The following ZBTB2 variants were observed in gnomAD, a reference collection of about 807,000 sequenced individuals.
The protein encoded by ZBTB2 is zinc finger and BTB domain-containing protein 2.
A neutral mutation model predicts 39.5 loss-of-function variants in ZBTB2; 2 were observed. That is an observed-to-expected ratio of 0.05 (90% CI 0.02 to 0.16). ZBTB2 has a LOEUF of 0.16. ZBTB2 is among the 10% of genes least tolerant of loss of function. The pLI is 1.00. For synonymous variants in ZBTB2, 251 were observed against 256.6 expected (o/e 0.98, Z 0.21); for missense variants, 391 against 653.0 (o/e 0.60, Z 4.37).
chr6:151,369,044 T>A (rs964850244), intron 2 of ZBTB2, among the ~76,000 whole-genome samples: 1 of 152,196 alleles, frequency 6.6e-6, no homozygotes, highest in Non-Finnish European at 1.5e-5. Context: ...ATTACAGGCA[T>A]GAACCACCGC....
intron 1 of ZBTB2, among the ~76,000 whole-genome samples, chr6:151,390,922 C>T (rs1385166428): frequency 2.0e-5 from 3 of 151,916 alleles, no homozygotes; most frequent in Non-Finnish European, 2.9e-5. Context: ...GGACGCTCAC[C>T]GGCCGCCGCC....
chr6:151,386,140 A>G (rs942327690), intron 1 of ZBTB2, among the ~76,000 whole-genome samples: 5 of 152,200 alleles, frequency 3.3e-5, no homozygotes, highest in Admixed American at 3.3e-4. Context: ...ACAGAAGTAG[A>G]TCAGAGATTT....
At chr6:151,367,887 G>C (rs544835255) in intron 2 of ZBTB2, among the ~76,000 whole-genome samples, 1 of 152,206 alleles carries the variant, frequency 6.6e-6, no homozygotes, top group African/African-American at 2.4e-5. Context: ...ATAATGAAGA[G>C]GTTCCCAAGA....
At chr6:151,367,174 G>A (rs1012303355) in intron 2 of ZBTB2, among the ~76,000 whole-genome samples, 4 of 150,884 alleles carry the variant, frequency 2.7e-5, no homozygotes, top group African/African-American at 7.3e-5. Flanking sequence ...AGGCTGGAAT[G>A]CAATGGCACA....
intron 1 of ZBTB2, among the ~76,000 whole-genome samples, chr6:151,391,189 G>A (rs1779298798): frequency 6.6e-6 from 1 of 150,540 alleles, no homozygotes. Context: ...GCCCCCGCGA[G>A]GCGCCCCTGC....
intron 1 of ZBTB2, among the ~76,000 whole-genome samples, chr6:151,375,676 C>A (rs900660854): frequency 2.5e-4 from 38 of 152,168 alleles, no homozygotes; most frequent in African/African-American, 9.2e-4. Flanking sequence ...CCTGCCTCAG[C>A]CTCCCTGGGG....
chr6:151,380,766 C>T (rs910530023), intron 1 of ZBTB2, among the ~76,000 whole-genome samples: 1 of 152,208 alleles, frequency 6.6e-6, no homozygotes, highest in African/African-American at 2.4e-5. Flanking sequence ...CCAGGGGTTC[C>T]ACTTGCTGGT....
intron 1 of ZBTB2, among the ~76,000 whole-genome samples, chr6:151,375,816 G>A (rs147065362): frequency 1.0e-3 from 152 of 152,092 alleles, no homozygotes; most frequent in African/African-American, 2.7e-3. Flanking sequence ...TGATCCACCC[G>A]CCTCGGCCTC....
intron 1 of ZBTB2, among the ~76,000 whole-genome samples, chr6:151,385,039 T>TG (rs1241959851): frequency 4.5e-5 from 6 of 134,140 alleles, no homozygotes; most frequent in African/African-American, 1.9e-4. Context: ...GTATATGAAC[T>TG]TAAAAAAAAC....
chr6:151,386,987 T>A (rs899635566), intron 1 of ZBTB2, among the ~76,000 whole-genome samples: 12 of 152,214 alleles, frequency 7.9e-5, no homozygotes, highest in African/African-American at 1.4e-4. Context: ...GCAATTCTCT[T>A]TAACAGAAGA....
Position 151,365,613 on chromosome 6 carries a change from G to A in ZBTB2, c.1453C>T (p.Leu485Phe), listed in dbSNP as rs1225710987. 6.2e-7 allele frequency: 1 copy of A among 1,614,250 alleles called. No homozygotes were observed. ...ACTTCCGAGTCCCCACTGCCCAGGA[G>A]AATGGATCGCCCTTCGTCTAGGGCA... is the stretch of plus-strand genomic sequence containing the variant. Reference protein sequence around the residue: ...VFALDEGRSILLGSGDSEVTE... With the variant: ...VFALDEGRSIFLGSGDSEVTE... The change falls in exon 3 of 3, where the codon CTC becomes TTC. Residue 485 changes from leucine (L) to phenylalanine (F), a missense_variant. Transcript: ENST00000325144. This position sits in a 1 kb window ranked among gnomAD's most constrained non-coding sequence, Gnocchi z 5.6.
chr6:151,380,297 C>T (rs1220570065), intron 1 of ZBTB2, among the ~76,000 whole-genome samples: 2 of 152,186 alleles, frequency 1.3e-5, no homozygotes, highest in Admixed American at 6.5e-5. Flanking sequence ...CTAGACTGTT[C>T]CATATGTGAA....
At chr6:151,391,050 C>G (rs1243821862) in intron 1 of ZBTB2, among the ~76,000 whole-genome samples, 1 of 149,116 alleles carries the variant, frequency 6.7e-6, no homozygotes, top group African/African-American at 2.5e-5. Context: ...GCCGCCCGCC[C>G]TCTCGGCTTC....
At chr6:151,377,129 A>G (rs1778927150) in intron 1 of ZBTB2, among the ~76,000 whole-genome samples, 1 of 146,590 alleles carries the variant, frequency 6.8e-6, no homozygotes, top group Non-Finnish European at 1.5e-5. Flanking sequence ...TGTGAAAATT[A>G]TGGAAAGGGA....
intron 1 of ZBTB2, among the ~76,000 whole-genome samples, chr6:151,377,268 G>C (rs1462310196): frequency 8.6e-5 from 13 of 151,952 alleles, no homozygotes. Context: ...CTGTACTATA[G>C]TTTGCAAGAT....
chr6:151,375,990 T>C (rs1778900596), intron 1 of ZBTB2, among the ~76,000 whole-genome samples: 2 of 152,122 alleles, frequency 1.3e-5, no homozygotes, highest in South Asian at 4.1e-4. Flanking sequence ...GAGAAGTGAA[T>C]TAATAGAACA....
intron 1 of ZBTB2, among the ~76,000 whole-genome samples, chr6:151,374,177 G>A (rs1249228985): frequency 1.3e-5 from 2 of 152,290 alleles, no homozygotes; most frequent in East Asian, 3.9e-4. Flanking sequence ...GGCAGGGTGA[G>A]AATCAATAAG....
At chr6:151,387,691 T>A (rs974756094) in intron 1 of ZBTB2, among the ~76,000 whole-genome samples, 1 of 152,216 alleles carries the variant, frequency 6.6e-6, no homozygotes, top group African/African-American at 2.4e-5. Flanking sequence ...CTTAGCCAGA[T>A]ACATAAAAGT....
Position 151,366,900 on chromosome 6 carries a change from A to G in ZBTB2, c.174-8T>C, listed in dbSNP as rs932010728. 1.3e-6 allele frequency: 2 copies of G among 1,587,170 alleles called. No homozygotes were observed. Among genetic ancestry groups the G allele is most frequent in the African/African-American group, 2.7e-5 (2 of 73,886 alleles). ...TTCAAGCGGACACACTCACTGAAAG[A>G]AACAAGTAAAAAAATACGTGAGTAA... On this transcript the variant is annotated splice_region_variant and splice_polypyrimidine_tract_variant and intron_variant, in intron 2 of 2. Coordinates refer to ENST00000325144, the MANE Select transcript of ZBTB2 (RefSeq NM_020861.3). This position sits in a 1 kb window ranked among gnomAD's most constrained non-coding sequence, Gnocchi z 7.1.
Sources: gnomAD v4.1 joint callset for allele counts (sites outside exome capture counted in the v4.1 genomes callset) on GRCh38, gnomAD v4.1.1 for gene constraint, Gnocchi (gnomAD v3.1) non-coding constraint, MANE v1.5 for transcripts, NCBI Gene and HGNC (gene_info 2026-07-23, HGNC 2026-07-21) for gene names.